COL5A2: variants seen among roughly 807,000 people sequenced by gnomAD.
The protein encoded by COL5A2 is collagen alpha-2(V) chain.
A neutral mutation model predicts 208.2 loss-of-function variants in COL5A2; 23 were observed. That is an observed-to-expected ratio of 0.11 (90% confidence interval 0.08 to 0.16). The LOEUF (loss-of-function observed/expected upper bound fraction) is 0.16, where lower values mean the gene tolerates loss of function less well. Ranked by LOEUF, COL5A2 falls within the 10% of genes least tolerant of loss-of-function variation. The pLI is 1.00. For synonymous variants in COL5A2, 625 were observed against 628.5 expected (o/e 0.99, Z 0.08); for missense variants, 1,590 against 1,956.4 (o/e 0.81, Z 3.53).
At position 189,158,668 on chromosome 2, in the gene COL5A2, T is replaced by C. The variant is rs1688301767; in HGVS notation, c.97+20840A>G. On this transcript the variant is annotated intron_variant, in intron 1 of 53. Coordinates refer to ENST00000374866, the MANE Select transcript of COL5A2 (RefSeq NM_000393.5). ...TTCTTCATCCTTCCTTGGATCTCTG[T>C]GATACAGGAACTGTCAATCTCTTCT... is the stretch of plus-strand genomic sequence containing the variant. 2.0e-5 allele frequency among the ~76,000 whole-genome samples: 3 copies of C among 152,208 alleles called. No homozygotes were observed. In the South Asian group the frequency reaches 6.2e-4, roughly 32 times the overall value.
At chr2:189,354,858 T>C in the COL5A2 span, among the ~76,000 whole-genome samples, 1 of 152,236 alleles carries the variant, frequency 6.6e-6, no homozygotes, top group South Asian at 2.1e-4. Context: ...TCTGCTTCTT[T>C]TAATTGTGAT....
At chr2:189,370,661 TAC>T in the COL5A2 span, among the ~76,000 whole-genome samples, 2 of 152,018 alleles carry the variant, frequency 1.3e-5, no homozygotes, top group South Asian at 2.1e-4. Flanking sequence ...ACATACAACA[TAC>T]ATAGATAATA....
At chr2:189,360,526 T>A in the COL5A2 span, among the ~76,000 whole-genome samples, 1 of 152,198 alleles carries the variant, frequency 6.6e-6, no homozygotes, top group Admixed American at 6.5e-5. Context: ...TTAATTTTTA[T>A]GAATTTATAG....
At chr2:189,035,558 T>C (rs529543504) in intron 52 of COL5A2, among the ~76,000 whole-genome samples, 6 of 151,610 alleles carry the variant, frequency 4.0e-5, no homozygotes, top group African/African-American at 1.4e-4. Context: ...ATATTAAAAG[T>C]TTTCCATGTG....
the COL5A2 span, among the ~76,000 whole-genome samples, chr2:189,260,751 T>C: frequency 6.6e-6 from 1 of 152,198 alleles, no homozygotes; most frequent in African/African-American, 2.4e-5. Context: ...CTATTCAGAA[T>C]ATGTAAAAGG....
At chr2:189,092,685 T>A (rs1004407843) in intron 6 of COL5A2, among the ~76,000 whole-genome samples, 1 of 152,214 alleles carries the variant, frequency 6.6e-6, no homozygotes, top group Non-Finnish European at 1.5e-5. Context: ...TAATTATTTT[T>A]AAAATTTTCA....
chr2:189,430,217 C>T, the COL5A2 span, among the ~76,000 whole-genome samples: 1 of 152,054 alleles, frequency 6.6e-6, no homozygotes, highest in Non-Finnish European at 1.5e-5. Context: ...ACTCTGAAGT[C>T]CTACAGAAAG....
chr2:189,423,180 A>G, the COL5A2 span, among the ~76,000 whole-genome samples: 1 of 152,136 alleles, frequency 6.6e-6, no homozygotes, highest in Non-Finnish European at 1.5e-5. Context: ...ATCAAAAGCC[A>G]TGGAGATGAA....
At chr2:189,280,303 C>T in the COL5A2 span, among the ~76,000 whole-genome samples, 2 of 151,994 alleles carry the variant, frequency 1.3e-5, no homozygotes, top group Admixed American at 6.6e-5. Context: ...TTTCATGATC[C>T]GTGTGCTTTC....
At chr2:189,087,728 A>C (rs916308515) in intron 8 of COL5A2, among the ~76,000 whole-genome samples, 1 of 151,700 alleles carries the variant, frequency 6.6e-6, no homozygotes, top group Non-Finnish European at 1.5e-5. Context: ...TGGCCTCCCA[A>C]AGTGCTGGGA....
intron 5 of COL5A2, chr2:189,097,627 A>G (rs557546515): frequency 1.6e-5 from 9 of 569,882 alleles, no homozygotes; most frequent in Non-Finnish European, 3.0e-5. Flanking sequence ...TTTAAGGATC[A>G]TATTTGCTGT....
intron 35 of COL5A2, among the ~76,000 whole-genome samples, chr2:189,055,540 T>C (rs1326779463): frequency 6.6e-6 from 1 of 152,376 alleles, no homozygotes; most frequent in Non-Finnish European, 1.5e-5. Context: ...TGTGTTCTTA[T>C]AGTCTCTGGA....
intron 8 of COL5A2, among the ~76,000 whole-genome samples, chr2:189,087,754 A>C (rs1686695908): frequency 1.3e-5 from 2 of 151,692 alleles, no homozygotes; most frequent in Admixed American, 1.3e-4. Flanking sequence ...GGCGTGAGCC[A>C]CCGTGCCTGG....
intron 1 of COL5A2, among the ~76,000 whole-genome samples, chr2:189,210,438 A>G (rs1689198674): frequency 6.6e-6 from 1 of 152,156 alleles, no homozygotes. Context: ...GCTTGAAAAA[A>G]AAAAAAAAGG....
At chr2:189,281,367 A>G in the COL5A2 span, among the ~76,000 whole-genome samples, 2 of 152,190 alleles carry the variant, frequency 1.3e-5, no homozygotes, top group African/African-American at 2.4e-5. Context: ...AAAATGCCAC[A>G]TGGTTATGAA....
the COL5A2 span, among the ~76,000 whole-genome samples, chr2:189,249,422 A>G: frequency 6.6e-6 from 1 of 152,206 alleles, no homozygotes; most frequent in African/African-American, 2.4e-5. Context: ...ATAGTTTCCT[A>G]TGGTAATTCA....
At chr2:189,338,593 C>T in the COL5A2 span, among the ~76,000 whole-genome samples, 4 of 151,546 alleles carry the variant, frequency 2.6e-5, no homozygotes, top group East Asian at 3.9e-4. Flanking sequence ...CCATCATTTA[C>T]ATAAGGTCAT....
chr2:189,265,307 T>C, the COL5A2 span, among the ~76,000 whole-genome samples: 2 of 152,162 alleles, frequency 1.3e-5, no homozygotes, highest in African/African-American at 4.8e-5. Flanking sequence ...TTTGGAAAGC[T>C]AGAAGTCCAA....
intron 13 of COL5A2, 126 bp from the exon 14 acceptor site, chr2:189,080,157 C>A: frequency 1.4e-6 from 1 of 722,662 alleles, no homozygotes; most frequent in Non-Finnish European, 2.4e-6. Flanking sequence ...AGTTGTTGCT[C>A]AAAATACTTT....
Sources: gnomAD v4.1 joint callset for allele counts (sites outside exome capture counted in the v4.1 genomes callset) on GRCh38, gnomAD v4.1.1 for gene constraint, MANE v1.5 for transcripts, NCBI Gene and HGNC (gene_info 2026-07-23, HGNC 2026-07-21) for gene names.